Variants in ADAP2 observed in about 807,000 individuals in gnomAD.
ADAP2 encodes the protein arf-GAP with dual PH domain-containing protein 2.
In ADAP2, 42 loss-of-function variants were observed where a neutral mutation model predicts 54.9. The observed-to-expected ratio is 0.77, with a 90% CI of 0.60 to 0.99. The LOEUF (loss-of-function observed/expected upper bound fraction) is 0.99, where lower values mean the gene tolerates loss of function less well. ADAP2 is among the 50% of genes least tolerant of loss of function. The pLI is 0.00. For synonymous variants in ADAP2, 177 were observed against 180.1 expected, an observed-to-expected ratio of 0.98 and a Z score of 0.14; for missense variants, 429 against 480.4, an observed-to-expected ratio of 0.89 and a Z score of 1.00.
chr17:30,953,231 G>A (rs1453729223), intron 7 of ADAP2, 57 bp from the exon 8 acceptor site: 46 of 1,579,744 alleles, frequency 2.9e-5, no homozygotes, highest in African/African-American at 9.5e-5. Context: ...CAAGCTCGGC[G>A]GGAACCTGGA....
rs754885895 is a variant in ADAP2 at position 30,949,326 on chromosome 17, C to G, written c.697C>G (p.Leu233Val). ...DWFNALRAAR[L>V]QYLKMAFPEL... is the part of the protein sequence containing the mutation. ...GTTCAATGCCCTCCGTGCAGCCCGT[C>G]TGCAGTACCTAAAAATGGCCTTTCC... The change falls in exon 7 of 11, where the codon CTG becomes GTG. Residue 233 changes from leucine (L) to valine (V), a missense_variant. Physicochemically the swap from Leu to Val is conservative, Grantham distance 32. Transcript: ENST00000330889. The G allele has an allele frequency of 6.2e-6, 10 of 1,614,074 alleles. No homozygotes were observed. Among genetic ancestry groups the G allele is most frequent in the Non-Finnish European group, 6.8e-6 (8 of 1,180,030 alleles).
At chr17:30,945,386 C>G (rs1256755651) in intron 6 of ADAP2, among the ~76,000 whole-genome samples, 1 of 152,110 alleles carries the variant, frequency 6.6e-6, no homozygotes, top group Admixed American at 6.6e-5. Flanking sequence ...AACTGATGGA[C>G]AGTCAGGCAG....
At chr17:30,928,562 GTATT>G (rs1279929046) in intron 3 of ADAP2, among the ~76,000 whole-genome samples, 1 of 152,158 alleles carries the variant, frequency 6.6e-6, no homozygotes, top group Non-Finnish European at 1.5e-5. Context: ...TTATGTGCAT[GTATT>G]TATTTAATTC....
rs1230022430 is a variant in ADAP2, at chr17:30,934,211, C to T, written c.424C>T (p.Arg142Ter). 7 of 1,613,858 alleles carry T rather than the reference C, an allele frequency of 4.3e-6. No individual in the cohort carries two copies. The highest frequency in any genetic ancestry group is 5.1e-6 in the Non-Finnish European group (6 of 1,179,936). The change falls in exon 5 of 11, where the codon CGA (arginine) becomes TGA (stop). Residue 142 changes from arginine (R) to a stop codon, truncating the protein, a stop_gained. Coordinates refer to ENST00000330889, the MANE Select transcript of ADAP2 (RefSeq NM_018404.3). LOFTEE classifies it high-confidence loss of function. ...PGNREGFLWK[R>*]GRDNSQFLRR... The stretch of plus-strand genomic sequence containing the variant: ...TAACCGAGAAGGATTCCTGTGGAAG[C>T]GAGGAAGGGACAACTCACAGTTTCT...
chr17:30,925,178 C>G (rs545224152), intron 2 of ADAP2, among the ~76,000 whole-genome samples: 3 of 143,902 alleles, frequency 2.1e-5, no homozygotes. Context: ...GCCACCGTGC[C>G]CAGCATTTTT....
intron 3 of ADAP2, among the ~76,000 whole-genome samples, chr17:30,928,324 C>T (rs371544670): frequency 1.3e-5 from 2 of 151,682 alleles, no homozygotes; most frequent in East Asian, 1.9e-4. Context: ...AGTGAAACCC[C>T]GTCTCTACTA....
intron 5 of ADAP2, among the ~76,000 whole-genome samples, chr17:30,937,661 A>G (rs1384335858): frequency 1.3e-5 from 2 of 152,220 alleles, no homozygotes; most frequent in African/African-American, 4.8e-5. Context: ...TCCGACCAGG[A>G]TGGTTAGAAG....
Position 30,944,994 on chromosome 17 carries a change from A to G in ADAP2, c.598A>G (p.Ile200Val), listed in dbSNP as rs377289266. The G allele has an allele frequency of 2.2e-5, 35 of 1,614,010 alleles. No homozygotes were observed. The highest frequency in any genetic ancestry group is 2.8e-5 in the Non-Finnish European group (33 of 1,180,028). ...GATAGGGCACCCCCATGGGCTGCAGATCACCTACAGGAGAGATGGCCACAC... is the reference window on the plus strand; with the variant it reads ...GATAGGGCACCCCCATGGGCTGCAGGTCACCTACAGGAGAGATGGCCACAC... ...EKIGHPHGLQ[I>V]TYRRDGHTRN... Residue 200 changes from isoleucine to valine, a missense_variant, in exon 6 of 11, where the codon ATC becomes GTC. Coordinates refer to ENST00000330889, the MANE Select transcript of ADAP2 (RefSeq NM_018404.3).
chr17:30,931,988 C>G lies in ADAP2; in HGVS notation c.397+20C>G, dbSNP rs1360154134. On this transcript the variant is annotated intron_variant, in intron 4 of 10. Coordinates refer to ENST00000330889, the MANE Select transcript of ADAP2 (RefSeq NM_018404.3). ...TCCCAGGTAAAGTTATTTCCATCAC[C>G]TTTTGAAATCTATGTTTTAATGAGC... 2.5e-6 allele frequency: 4 copies of G among 1,607,500 alleles called. No individual in the cohort carries two copies. In the South Asian group the frequency reaches 4.4e-5, roughly 18 times the overall value.
In ADAP2 at chr17:30,944,922, G is replaced by A. The variant is rs777532552; in HGVS notation, c.526G>A (p.Ala176Thr). ...FTKEQGKSPK[A>T]VISIKDLNAT... is the part of the protein sequence containing the mutation. Reference sequence around the variant, plus strand: ...TCTCTTTCAGGGTAAAAGCCCCAAAGCTGTCATCAGCATTAAGGACTTGAA... The same window carrying A: ...TCTCTTTCAGGGTAAAAGCCCCAAAACTGTCATCAGCATTAAGGACTTGAA... The change falls in exon 6 of 11, where the codon GCT (alanine) becomes ACT (threonine). Residue 176 changes from alanine (A) to threonine (T), a missense_variant. Physicochemically the swap from Ala to Thr is moderately conservative, Grantham distance 58 (BLOSUM62 0). Transcript: ENST00000330889. 1.9e-6 allele frequency: 3 copies of A among 1,613,964 alleles called. No individual in the cohort carries two copies. The highest frequency in any genetic ancestry group is 2.5e-6 in the Non-Finnish European group (3 of 1,180,014).
At chr17:30,928,820 T>C (rs902516881) in intron 3 of ADAP2, among the ~76,000 whole-genome samples, 7 of 152,148 alleles carry the variant, frequency 4.6e-5, no homozygotes, top group African/African-American at 1.7e-4. Flanking sequence ...TCTGACTGCC[T>C]GAGCCTACGA....
rs759182146 is a variant in ADAP2, at chr17:30,954,534, G to T, written c.861G>T (p.Leu287=). Residue 287 remains leucine (L), a synonymous_variant, in exon 9 of 11, where the codon CTG becomes CTT. Coordinates refer to ENST00000330889, the MANE Select transcript of ADAP2 (RefSeq NM_018404.3). ...WFALDCHERR[L]LYYKNPLDAF... is the part of the protein sequence containing the mutation. Reference sequence around the variant, plus strand: ...CCCTGGATTGCCATGAGCGGAGGCTGCTCTATTACAAGAACCCACTGGTAA... The same window carrying T: ...CCCTGGATTGCCATGAGCGGAGGCTTCTCTATTACAAGAACCCACTGGTAA... The T allele has an allele frequency of 2.7e-5, 44 of 1,613,978 alleles. No homozygotes were observed. Among genetic ancestry groups the T allele is most frequent in the Non-Finnish European group, 3.6e-5 (43 of 1,179,980 alleles).
At chr17:30,956,661 C>A in intron 10 of ADAP2, 192 bp downstream of exon 10, 1 of 640,272 alleles carries the variant, frequency 1.6e-6, no homozygotes, top group Non-Finnish European at 2.7e-6. Context: ...TCTGTCCACT[C>A]TGGGTTCCCC....
intron 5 of ADAP2, among the ~76,000 whole-genome samples, chr17:30,936,303 TACCACTCC>T (rs886650500): frequency 6.6e-6 from 1 of 152,134 alleles, no homozygotes; most frequent in Non-Finnish European, 1.5e-5. Context: ...TGCAGATGCA[TACCACTCC>T]ACCCAGCTAA....
chr17:30,928,261 C>G (rs920479757), intron 3 of ADAP2, among the ~76,000 whole-genome samples: 1 of 150,604 alleles, frequency 6.6e-6, no homozygotes, highest in Non-Finnish European at 1.5e-5. Flanking sequence ...TTTGGGAGGC[C>G]GAGGCGGGCG....
At chr17:30,953,019 T>C (rs8076569) in intron 7 of ADAP2, among the ~76,000 whole-genome samples, 31,532 of 152,094 alleles carry the variant, frequency 0.21, 10,279 homozygotes, top group African/African-American at 0.7. Flanking sequence ...TGCAGAGCCT[T>C]GCCTATGTCC....
chr17:30,922,612 G>T (rs1329875988), intron 1 of ADAP2, among the ~76,000 whole-genome samples: 1 of 151,580 alleles, frequency 6.6e-6, no homozygotes, highest in African/African-American at 2.4e-5. Flanking sequence ...CGGGGACGCC[G>T]AGGGCCCCCT....
chr17:30,936,697 A>G (rs1911910919), intron 5 of ADAP2, among the ~76,000 whole-genome samples: 1 of 152,178 alleles, frequency 6.6e-6, no homozygotes, highest in South Asian at 2.1e-4. Context: ...TGGGCAGATC[A>G]GGAGTTCAGG....
chr17:30,955,709 A>G (rs1044285200), intron 9 of ADAP2, among the ~76,000 whole-genome samples: 3 of 151,596 alleles, frequency 2.0e-5, no homozygotes, highest in Non-Finnish European at 4.4e-5. Context: ...TCAAAAAAAA[A>G]AAAAGAAAGA....
Sources: allele counts gnomAD v4.1 joint callset (sites outside exome capture counted in the v4.1 genomes callset), GRCh38; gene constraint gnomAD v4.1.1; transcripts MANE v1.5; gene names NCBI Gene and HGNC (gene_info 2026-07-23, HGNC 2026-07-21).